Variants in IFI44L observed in about 807,000 individuals in gnomAD.
IFI44L encodes interferon-induced protein 44-like.
In IFI44L, 40 loss-of-function variants were observed where a neutral mutation model predicts 39.3. The ratio of observed to expected loss-of-function variants is 1.02; its 90% CI spans 0.79 to 1.33. IFI44L has a LOEUF of 1.33. IFI44L is among the 40% of genes most tolerant of loss of function. The pLI is 0.00. For missense variants in IFI44L, 623 were observed against 549.0 expected, an observed-to-expected ratio of 1.13 and a Z score of -1.35; for synonymous variants, 198 against 182.3, an observed-to-expected ratio of 1.09 and a Z score of -0.69.
At chr1:78,634,165 G>A (rs1570361421) in intron 4 of IFI44L, among the ~76,000 whole-genome samples, 1 of 152,058 alleles carries the variant, frequency 6.6e-6, no homozygotes, top group African/African-American at 2.4e-5. Flanking sequence ...TAAATAAATA[G>A]TAGCAAAAAA....
intron 4 of IFI44L, chr1:78,631,667 T>G (rs985646123): frequency 2.6e-5 from 4 of 152,196 alleles, no homozygotes; most frequent in Admixed American, 6.5e-5. Flanking sequence ...TAAGATTGAA[T>G]GTGTTTATCT....
chr1:78,628,193 C>G lies in IFI44L; in HGVS notation c.278C>G (p.Thr93Ser). ...LWFSLQKKND[T>S]TEIETLLLNT... Reference sequence around the variant, plus strand: ...TTTTCACTTCAAAAGAAAAATGACACCACTGAAATAGAAACTTTACTCTTA... The same window carrying G: ...TTTTCACTTCAAAAGAAAAATGACAGCACTGAAATAGAAACTTTACTCTTA... Residue 93 changes from threonine (T) to serine (S), a missense_variant, in exon 2 of 9, where the codon ACC (threonine) becomes AGC (serine). Thr to Ser is a moderately conservative substitution (Grantham distance 58). Transcript: ENST00000370751. The G allele has an allele frequency of 1.2e-6, 2 of 1,612,658 alleles. No individual in the cohort carries two copies. The highest frequency in any genetic ancestry group is 1.7e-6 in the Non-Finnish European group (2 of 1,179,316).
intron 6 of IFI44L, among the ~76,000 whole-genome samples, chr1:78,637,873 C>A (rs974227303): frequency 6.6e-6 from 1 of 151,990 alleles, no homozygotes; most frequent in Non-Finnish European, 1.5e-5. Context: ...AAAAAATATT[C>A]CAGTTTTTAG....
chr1:78,636,710 A>G, intron 5 of IFI44L: 1 of 223,200 alleles, frequency 4.5e-6, no homozygotes, highest in Non-Finnish European at 8.7e-6. Flanking sequence ...TATTTAACAA[A>G]CGTTAATGGT....
chr1:78,639,437 GC>G (rs1653074617), intron 6 of IFI44L, among the ~76,000 whole-genome samples: 1 of 151,950 alleles, frequency 6.6e-6, no homozygotes, highest in Non-Finnish European at 1.5e-5. Flanking sequence ...TTTTTCTCAT[GC>G]TTTGACTAGA....
In IFI44L at chr1:78,641,737, A is replaced by G. The variant is rs41305870; in HGVS notation, c.1325-38A>G. The G allele has an allele frequency of 0.021, 33,589 of 1,612,046 alleles. 433 individuals are homozygous for G. The highest frequency in any genetic ancestry group is 0.024 in the Non-Finnish European group (28,508 of 1,178,238). Reference sequence around the variant, plus strand: ...CTAGTCCTGAAAGCTACATTAGGATATATGTTTCATTTCCACTCTTGTTTG... The same window carrying G: ...CTAGTCCTGAAAGCTACATTAGGATGTATGTTTCATTTCCACTCTTGTTTG... On this transcript the variant is annotated intron_variant, in intron 8 of 8. Transcript: ENST00000370751.
intron 6 of IFI44L, among the ~76,000 whole-genome samples, chr1:78,639,765 A>G (rs1445961640): frequency 6.6e-6 from 1 of 152,116 alleles, no homozygotes. Flanking sequence ...AAAGATTTTA[A>G]TATAAAGAAT....
At position 78,644,317 on chromosome 1, in the gene IFI44L, G is replaced by GAA. The variant is rs1647024075; in HGVS notation, c.*2510_*2511dup. 6.6e-6 allele frequency: 1 copy of GAA among 152,202 alleles called. No individual in the cohort carries two copies. Among genetic ancestry groups the GAA allele is most frequent in the Admixed American group, 6.5e-5 (1 of 15,274 alleles). The allele number at this position is 152,202 out of a possible 1,614,324, so 9.4% of individuals were successfully genotyped here. ...GGAGTGAAGGAGAGATCAAGAGAGA[G>GAA]AAACAATGAGGAACATTTCATTTGA... On this transcript the variant is annotated 3_prime_UTR_variant, in exon 9 of 9. Coordinates refer to ENST00000370751, the MANE Select transcript of IFI44L (RefSeq NM_006820.4).
Position 78,624,237 on chromosome 1 carries a change from C to G in IFI44L, c.-11+3666C>G, listed in dbSNP as rs967625081. Reference sequence around the variant, plus strand: ...TCTCAGACTCATGACCTCAAGTGTTCCGCCGAACTCGGCCTCCCAAAGTAC... The same window carrying G: ...TCTCAGACTCATGACCTCAAGTGTTGCGCCGAACTCGGCCTCCCAAAGTAC... On this transcript the variant is annotated intron_variant, in intron 1 of 8. Coordinates refer to ENST00000370751, the MANE Select transcript of IFI44L (RefSeq NM_006820.4). Among the ~76,000 whole-genome samples, 11 of 152,290 alleles carry G rather than the reference C, an allele frequency of 7.2e-5. No individual in the cohort carries two copies. In the East Asian group the frequency reaches 1.2e-3, roughly 16 times the overall value.
intron 4 of IFI44L, among the ~76,000 whole-genome samples, chr1:78,630,694 A>G (rs78277846): frequency 0.018 from 2,666 of 152,300 alleles, 41 homozygotes; most frequent in South Asian, 0.041. Flanking sequence ...AGACAGCATA[A>G]TAAGACAGTA....
At position 78,645,816 on chromosome 1, in the gene IFI44L, T is replaced by C. The variant is rs1647039669; in HGVS notation, c.*4007T>C. On this transcript the variant is annotated 3_prime_UTR_variant, in exon 9 of 9. Coordinates refer to ENST00000370751, the MANE Select transcript of IFI44L (RefSeq NM_006820.4). Reference sequence around the variant, plus strand: ...ATTGTACACCCTTGCAAAATCTTTCTCTGATGTTGGAGAAAATGGGCCAGT... The same window carrying C: ...ATTGTACACCCTTGCAAAATCTTTCCCTGATGTTGGAGAAAATGGGCCAGT... The C allele has an allele frequency of 6.6e-6, 1 of 152,186 alleles. No homozygotes were observed. Among genetic ancestry groups the C allele is most frequent in the Non-Finnish European group, 1.5e-5 (1 of 68,042 alleles). The allele number at this position is 152,186 out of a possible 1,614,324, so 9.4% of individuals were successfully genotyped here.
chr1:78,642,069 A>G lies in IFI44L; in HGVS notation c.*260A>G. The G allele has an allele frequency of 1.8e-6, 1 of 550,770 alleles. No individual in the cohort carries two copies. Among genetic ancestry groups the G allele is most frequent in the Non-Finnish European group, 3.2e-6 (1 of 311,046 alleles). The allele number at this position is 550,770 out of a possible 1,614,324, so 34.1% of individuals were successfully genotyped here. A position where few individuals can be genotyped will look rare whatever the true frequency, so the allele number is the denominator to read the frequency against. ...ACATCTTTTTAAACCACTGGAGGAA[A>G]AATGAGATATTCTCTAATTTATTCT... On this transcript the variant is annotated 3_prime_UTR_variant, in exon 9 of 9. Transcript: ENST00000370751.
chr1:78,633,599 G>A (rs1479369018), intron 4 of IFI44L, among the ~76,000 whole-genome samples: 1 of 152,064 alleles, frequency 6.6e-6, no homozygotes, highest in Non-Finnish European at 1.5e-5. Context: ...CCAGACAAAG[G>A]CAATCTGCAA....
At chr1:78,623,418 T>G (rs1290044587) in intron 1 of IFI44L, among the ~76,000 whole-genome samples, 28 of 137,504 alleles carry the variant, frequency 2.0e-4, no homozygotes, top group Admixed American at 4.3e-4. Context: ...TTTTTTTTTT[T>G]TTTTTTTTAA....
intron 4 of IFI44L, among the ~76,000 whole-genome samples, chr1:78,634,552 T>C (rs1652868990): frequency 6.6e-6 from 1 of 152,146 alleles, no homozygotes; most frequent in Non-Finnish European, 1.5e-5. Flanking sequence ...AGGGAGTTCA[T>C]TACAATTATA....
intron 6 of IFI44L, among the ~76,000 whole-genome samples, chr1:78,637,774 C>A (rs1354682418): frequency 6.6e-6 from 1 of 151,974 alleles, no homozygotes; most frequent in East Asian, 1.9e-4. Flanking sequence ...TGACATCCAT[C>A]CAAGATGTAT....
chr1:78,640,829 A>T (rs953668868), intron 6 of IFI44L, among the ~76,000 whole-genome samples, 192 bp from the exon 7 acceptor site: 1 of 152,118 alleles, frequency 6.6e-6, no homozygotes, highest in Non-Finnish European at 1.5e-5. Flanking sequence ...ATGCTGTCAC[A>T]TGTTGGAAAA....
intron 4 of IFI44L, among the ~76,000 whole-genome samples, chr1:78,633,761 G>A (rs1022590033): frequency 4.6e-5 from 7 of 151,974 alleles, no homozygotes; most frequent in East Asian, 1.9e-4. Context: ...TGAACCACCC[G>A]AAGAATTCAA....
chr1:78,635,522 A>G (rs780699753), intron 5 of IFI44L, 33 bp downstream of exon 5: 11 of 1,593,152 alleles, frequency 6.9e-6, no homozygotes, highest in Non-Finnish European at 8.6e-6. Flanking sequence ...AACATTTCAA[A>G]TCATTTTCTT....
Sources: gnomAD v4.1 joint callset for allele counts (sites outside exome capture counted in the v4.1 genomes callset) on GRCh38, gnomAD v4.1.1 for gene constraint, MANE v1.5 for transcripts, NCBI Gene and HGNC (gene_info 2026-07-23, HGNC 2026-07-21) for gene names.